TNRC18: variants seen among roughly 807,000 people sequenced by gnomAD.
TNRC18 encodes the protein trinucleotide repeat containing 18.
A neutral mutation model predicts 226.7 loss-of-function variants in TNRC18; 69 were observed. That is an observed-to-expected ratio of 0.30 (90% CI 0.25 to 0.37). TNRC18 has a LOEUF of 0.37. Ranked by LOEUF, TNRC18 falls within the 10% of genes least tolerant of loss-of-function variation. The pLI, the probability that TNRC18 is intolerant of heterozygous loss-of-function variation, is 1.00. For synonymous variants in TNRC18, 2,449 were observed against 1,927.6 expected (o/e 1.27, Z -7.09); for missense variants, 4,754 against 4,256.6 (o/e 1.12, Z -3.25).
intron 2 of TNRC18, among the ~76,000 whole-genome samples, chr7:5,414,421 T>C (rs1043548502): frequency 9.5e-5 from 14 of 148,146 alleles, no homozygotes; most frequent in African/African-American, 3.5e-4. Flanking sequence ...CTTTCTTTTG[T>C]TTTTTTTTTG....
At chr7:5,396,159 A>G (rs556282202) in intron 2 of TNRC18, among the ~76,000 whole-genome samples, 39 of 127,458 alleles carry the variant, frequency 3.1e-4, no homozygotes, top group Non-Finnish European at 5.1e-4. Flanking sequence ...CGACAGAGAG[A>G]GACTCTGTCT....
intron 18 of TNRC18, among the ~76,000 whole-genome samples, chr7:5,343,984 G>T (rs986931923): frequency 6.6e-6 from 1 of 152,164 alleles, no homozygotes; most frequent in Non-Finnish European, 1.5e-5. Flanking sequence ...AACTAATCAC[G>T]TCTAGCCAGA....
chr7:5,372,097 T>G (rs1583957302), intron 10 of TNRC18, among the ~76,000 whole-genome samples: 1 of 150,444 alleles, frequency 6.6e-6, no homozygotes, highest in East Asian at 2.0e-4. Context: ...AGACGCAGTC[T>G]CGCTCTGTCA....
At chr7:5,414,957 A>T (rs982185903) in intron 2 of TNRC18, among the ~76,000 whole-genome samples, 43 of 152,214 alleles carry the variant, frequency 2.8e-4, no homozygotes, top group Non-Finnish European at 1.5e-5. Flanking sequence ...AATCAGGAAC[A>T]GTTCTCCGCC....
rs761788342 is a variant in TNRC18 at position 5,313,377 on chromosome 7, G to T, written c.7514C>A (p.Pro2505His). ...PKSLLSLGSY[P>H]PAAGSSEPKA... ...GGGCTCGCTGCTGCCGGCCGCGGGG[G>T]GATAGCTGCCCAGGCTCAGGAGGCT... The change falls in exon 27 of 30, where the codon CCC becomes CAC. Residue 2505 changes from proline to histidine, a missense_variant. Coordinates refer to ENST00000430969, the MANE Select transcript of TNRC18 (RefSeq NM_001080495.3). 1 of 1,586,244 alleles carries T rather than the reference G, an allele frequency of 6.3e-7. No individual in the cohort carries two copies. Among genetic ancestry groups the T allele is most frequent in the South Asian group, 1.1e-5 (1 of 87,732 alleles).
rs560707690 is a variant in TNRC18 at position 5,368,897 on chromosome 7, G to A, written c.4219+1478C>T. Among the ~76,000 whole-genome samples the A allele has an allele frequency of 9.2e-5, 14 of 152,098 alleles. No homozygotes were observed. In the East Asian group the frequency reaches 1.4e-3, roughly 15 times the overall value. ...CTGAACATCAGTCATTCTGTGTCTG[G>A]CCCAGCATTCAGTGCCCTTTCTGCT... On this transcript the variant is annotated intron_variant, in intron 11 of 29. Coordinates refer to ENST00000430969, the MANE Select transcript of TNRC18 (RefSeq NM_001080495.3).
chr7:5,397,420 G>A (rs752081403), intron 2 of TNRC18, among the ~76,000 whole-genome samples: 23 of 152,188 alleles, frequency 1.5e-4, no homozygotes, highest in Non-Finnish European at 2.4e-4. Context: ...GCCAGCCAAC[G>A]GCTCCTGCCC....
chr7:5,325,097 T>C lies in TNRC18; in HGVS notation c.6299A>G (p.Glu2100Gly). ...AKAKGKEVKK[E>G]NRGKGGAVSK... ...CAACCAGGGCACGGTGAGCCTCACCTCCTTCTTCACCTCCTTCCCTTTGGC... is the reference window on the plus strand; with the variant it reads ...CAACCAGGGCACGGTGAGCCTCACCCCCTTCTTCACCTCCTTCCCTTTGGC... The change falls in exon 20 of 30, where the codon GAG becomes GGG. Residue 2100 changes from glutamate to glycine, a missense_variant and splice_region_variant. Transcript: ENST00000430969. 2 of 1,549,822 alleles carry C rather than the reference T, an allele frequency of 1.3e-6. No homozygotes were observed. The highest frequency in any genetic ancestry group is 2.4e-5 in the South Asian group (2 of 83,968).
intron 2 of TNRC18, chr7:5,420,285 T>TC: frequency 7.0e-6 from 3 of 426,278 alleles, no homozygotes; most frequent in Non-Finnish European, 1.4e-5. Flanking sequence ...CCCAGGGTTT[T>TC]CCCCTCCGCC....
Position 5,340,074 on chromosome 7 carries a change from T to C in TNRC18, c.5719+5488A>G, listed in dbSNP as rs1790538425. Among the ~76,000 whole-genome samples the C allele has an allele frequency of 2.0e-5, 3 of 152,080 alleles. No homozygotes were observed. In the South Asian group the frequency reaches 6.2e-4, roughly 31 times the overall value. ...AGAGTCACATGTCTCTCACTTTAAA[T>C]CGAAAGCTAGAAATGATTAAACTTA... On this transcript the variant is annotated intron_variant, in intron 18 of 29. Transcript: ENST00000430969.
chr7:5,317,024 C>A (rs1787916240), intron 24 of TNRC18, among the ~76,000 whole-genome samples: 1 of 152,112 alleles, frequency 6.6e-6, no homozygotes, highest in South Asian at 2.1e-4. Flanking sequence ...ACAGGCCCCC[C>A]AAAGGGTGAT....
In TNRC18 at chr7:5,316,008, G is replaced by T; in HGVS notation, c.6810C>A (p.Gly2270=). 1 of 1,604,446 alleles carries T rather than the reference G, an allele frequency of 6.2e-7. No homozygotes were observed. Among genetic ancestry groups the T allele is most frequent in the East Asian group, 2.3e-5 (1 of 43,648 alleles). ...GGCGGATATGTGAGAGGGGGATCCT[G>T]CCCGTGTCTCCGTCGTCAAACTCCA... ...ITVEFDDGDT[G]RIPLSHIRLL... The change falls in exon 25 of 30, where the codon GGC becomes GGA. Residue 2270 remains glycine, a synonymous_variant. Coordinates refer to ENST00000430969, the MANE Select transcript of TNRC18 (RefSeq NM_001080495.3).
chr7:5,330,215 A>C (rs1168262528), intron 19 of TNRC18, among the ~76,000 whole-genome samples: 2 of 151,986 alleles, frequency 1.3e-5, no homozygotes, highest in African/African-American at 4.8e-5. Flanking sequence ...TACAGGAATG[A>C]GCCACTGCAA....
chr7:5,361,783 G>A (rs1793076584), intron 13 of TNRC18, 61 bp from the exon 14 acceptor site: 9 of 1,536,450 alleles, frequency 5.9e-6, no homozygotes, highest in South Asian at 1.2e-5. Flanking sequence ...CGGAGAACGG[G>A]CACACGATGC....
chr7:5,385,267 ACTTGAGGT>A (rs972151790), intron 5 of TNRC18, among the ~76,000 whole-genome samples: 67 of 152,144 alleles, frequency 4.4e-4, no homozygotes, highest in Non-Finnish European at 8.8e-5. Context: ...TGGGCAGATC[ACTTGAGGT>A]CAGGAGATCG....
chr7:5,388,787 G>T lies in TNRC18; in HGVS notation c.1037C>A (p.Pro346His). 1 of 1,215,010 alleles carries T rather than the reference G, an allele frequency of 8.2e-7. No individual in the cohort carries two copies. Among genetic ancestry groups the T allele is most frequent in the Non-Finnish European group, 1.0e-6 (1 of 975,504 alleles). 75.3% of individuals were successfully genotyped at this position (1,215,010 alleles called of 1,614,324 possible). A position where few individuals can be genotyped will look rare whatever the true frequency, so the allele number is the denominator to read the frequency against. The change falls in exon 5 of 30, where the codon CCT becomes CAT. Residue 346 changes from proline to histidine, a missense_variant. By Grantham distance (77) the Pro-to-His change is moderately conservative (BLOSUM62 -2). Transcript: ENST00000430969. ...GGCGGGGGTGGCCGCGGGGGGTGCA[G>T]GAGGCCCCTTGGGGGGCGCGGGCGG... ...PPPPAPPKGP[P>H]APPAATPAGV...
chr7:5,379,172 G>C (rs1779219736), intron 5 of TNRC18, among the ~76,000 whole-genome samples: 1 of 151,622 alleles, frequency 6.6e-6, no homozygotes, highest in Non-Finnish European at 1.5e-5. Flanking sequence ...ACTCCAGCCT[G>C]GACAACAGAC....
At chr7:5,316,763 A>G (rs1787892977) in intron 24 of TNRC18, among the ~76,000 whole-genome samples, 1 of 152,174 alleles carries the variant, frequency 6.6e-6, no homozygotes, top group Admixed American at 6.6e-5. Flanking sequence ...TTCCGGAGAG[A>G]TGCCGGGATG....
Position 5,421,109 on chromosome 7 carries a change from C to A in TNRC18, c.138G>T (p.Pro46=). The A allele has an allele frequency of 6.8e-7, 1 of 1,471,992 alleles. No homozygotes were observed. The highest frequency in any genetic ancestry group is 9.1e-7 in the Non-Finnish European group (1 of 1,102,528). The allele number at this position is 1,471,992 out of a possible 1,614,324, so 91.2% of individuals were successfully genotyped here. Residue 46 remains proline (P), a synonymous_variant, in exon 2 of 30, where the codon CCG becomes CCT. Coordinates refer to ENST00000430969, the MANE Select transcript of TNRC18 (RefSeq NM_001080495.3). ...CGGCCATGTACTTCCCGGGCGGCAG[C>A]GGGCCGGGCAAGCCCGAGGCGGGCA... ...GRLPASGLPG[P]LPPGKYMAGL... is the part of the protein sequence containing the mutation.
Sources: allele counts gnomAD v4.1 joint callset (sites outside exome capture counted in the v4.1 genomes callset), GRCh38; gene constraint gnomAD v4.1.1; transcripts MANE v1.5; gene names NCBI Gene and HGNC (gene_info 2026-07-23, HGNC 2026-07-21).